Variants in TDRD15 observed in about 807,000 individuals in gnomAD.
The protein encoded by TDRD15 is tudor domain-containing protein 15.
For synonymous variants in TDRD15, 503 were observed against 314.5 expected, an observed-to-expected ratio of 1.60 and a Z score of -6.34; for missense variants, 1,416 against 904.7, an observed-to-expected ratio of 1.57 and a Z score of -7.25.
At position 21,138,000 on chromosome 2, in the gene TDRD15, A is replaced by G; in HGVS notation, c.533A>G (p.Glu178Gly). Reference protein sequence around the residue: ...EVPKIISQALELQLGRLVDGD... With the variant: ...EVPKIISQALGLQLGRLVDGD... ...CCAAAAATTATATCTCAGGCTCTCGAGTTACAATTAGGAAGACTTGTTGAT... is the reference window on the plus strand; with the variant it reads ...CCAAAAATTATATCTCAGGCTCTCGGGTTACAATTAGGAAGACTTGTTGAT... Residue 178 changes from glutamate (E) to glycine (G), a missense_variant, in exon 4 of 4, where the codon GAG becomes GGG. Transcript: ENST00000405799. The G allele has an allele frequency of 1.4e-6, 1 of 716,834 alleles. No homozygotes were observed. The highest frequency in any genetic ancestry group is 2.7e-5 in the East Asian group (1 of 37,272). The allele number at this position is 716,834 out of a possible 1,614,324, so 44.4% of individuals were successfully genotyped here. A position where few individuals can be genotyped will look rare whatever the true frequency, so the allele number is the denominator to read the frequency against.
In TDRD15 at chr2:21,142,283, C is replaced by T; in HGVS notation, c.4816C>T (p.Leu1606Phe). Reference protein sequence around the residue: ...VEEKYVDDKVLVFLVDCGIYE... With the variant: ...VEEKYVDDKVFVFLVDCGIYE... ...AGAAAAGTATGTTGATGATAAAGTA[C>T]TTGTTTTTTTAGTAGATTGTGGTAT... is the stretch of plus-strand genomic sequence containing the variant. Residue 1606 changes from leucine to phenylalanine, a missense_variant, in exon 4 of 4, where the codon CTT becomes TTT. Leu to Phe is a conservative substitution (Grantham distance 22). Coordinates refer to ENST00000405799, the MANE Select transcript of TDRD15 (RefSeq NM_001306137.2). The T allele has an allele frequency of 1.4e-6, 1 of 691,040 alleles. No homozygotes were observed. The allele number at this position is 691,040 out of a possible 1,614,324, so 42.8% of individuals were successfully genotyped here.
chr2:21,132,554 T>G (rs1665739899), intron 2 of TDRD15, among the ~76,000 whole-genome samples: 1 of 152,058 alleles, frequency 6.6e-6, no homozygotes, highest in Non-Finnish European at 1.5e-5. Flanking sequence ...TGGTGGATTG[T>G]GAGTGGAATG....
intron 2 of TDRD15, among the ~76,000 whole-genome samples, chr2:21,130,125 A>G (rs1665688766): frequency 6.6e-6 from 1 of 152,202 alleles, no homozygotes; most frequent in African/African-American, 2.4e-5. Flanking sequence ...CTCAATGATT[A>G]AGTTGCAATG....
intron 2 of TDRD15, among the ~76,000 whole-genome samples, chr2:21,134,130 T>C (rs1195550921): frequency 6.6e-6 from 1 of 151,922 alleles, no homozygotes; most frequent in Non-Finnish European, 1.5e-5. Flanking sequence ...ATCTATAATA[T>C]ATATTCTATA....
At chr2:21,130,366 G>GT (rs1476914025) in intron 2 of TDRD15, among the ~76,000 whole-genome samples, 2 of 152,182 alleles carry the variant, frequency 1.3e-5, no homozygotes, top group African/African-American at 4.8e-5. Context: ...AAAAGAGATG[G>GT]TCCCTGACTT....
intron 1 of TDRD15, among the ~76,000 whole-genome samples, chr2:21,124,705 G>T (rs1282742184): frequency 6.7e-6 from 1 of 148,756 alleles, no homozygotes; most frequent in Admixed American, 6.7e-5. Flanking sequence ...GCGTGTGTGT[G>T]TGTGTGACAG....
At chr2:21,145,417 C>T (rs1211612340), downstream of TDRD15, among the ~76,000 whole-genome samples, 5 of 152,050 alleles carry the variant, frequency 3.3e-5, no homozygotes, top group Middle Eastern at 3.4e-3. Context: ...TATATGTCTA[C>T]CTTCTTTTAT....
At chr2:21,135,703 C>T (rs571572613) in intron 3 of TDRD15, among the ~76,000 whole-genome samples, 3 of 152,092 alleles carry the variant, frequency 2.0e-5, no homozygotes, top group Non-Finnish European at 2.9e-5. Context: ...CACCCTACCC[C>T]CATTCCCACC....
Position 21,138,187 on chromosome 2 carries a change from A to G in TDRD15, c.720A>G (p.Gly240=). The part of the protein sequence containing the change: ...LDKLQPSLSV[G]STESVKVSSA... ...AGTTGCAGCCATCTTTGTCAGTAGG[A>G]AGTACTGAAAGTGTAAAGGTATCAT... Residue 240 remains glycine (G), a synonymous_variant, in exon 4 of 4, where the codon GGA becomes GGG. Coordinates refer to ENST00000405799, the MANE Select transcript of TDRD15 (RefSeq NM_001306137.2). The G allele has an allele frequency of 4.2e-6, 3 of 716,744 alleles. No homozygotes were observed. The highest frequency in any genetic ancestry group is 7.8e-6 in the Non-Finnish European group (3 of 384,508). 44.4% of individuals were successfully genotyped at this position (716,744 alleles called of 1,614,324 possible). A position where few individuals can be genotyped will look rare whatever the true frequency, so the allele number is the denominator to read the frequency against.
At chr2:21,135,194 T>A (rs1393790600) in intron 3 of TDRD15, among the ~76,000 whole-genome samples, 1 of 147,416 alleles carries the variant, frequency 6.8e-6, no homozygotes, top group Admixed American at 6.8e-5. Flanking sequence ...ATACATATTT[T>A]TATATATATA....
Position 21,143,801 on chromosome 2 carries a change from A to G in TDRD15, c.*529A>G, listed in dbSNP as rs1665986321. Among the ~76,000 whole-genome samples the G allele has an allele frequency of 6.6e-6, 1 of 151,788 alleles. No homozygotes were observed. The highest frequency in any genetic ancestry group is 6.6e-5 in the Admixed American group (1 of 15,186). Reference sequence around the variant, plus strand: ...ATATGTTGCAGGAAAACTTACTAGAAAATCTGGATAAACGGATGAACTGGA... The same window carrying G: ...ATATGTTGCAGGAAAACTTACTAGAGAATCTGGATAAACGGATGAACTGGA... On this transcript the variant is annotated 3_prime_UTR_variant, in exon 4 of 4. Transcript: ENST00000405799.
At position 21,143,031 on chromosome 2, in the gene TDRD15, C is replaced by T; in HGVS notation, c.5564C>T (p.Pro1855Leu). The T allele has an allele frequency of 1.4e-6, 1 of 691,960 alleles. No individual in the cohort carries two copies. The highest frequency in any genetic ancestry group is 1.8e-5 in the African/African-American group (1 of 55,666). 42.9% of individuals were successfully genotyped at this position (691,960 alleles called of 1,614,324 possible). A position where few individuals can be genotyped will look rare whatever the true frequency, so the allele number is the denominator to read the frequency against. Residue 1855 changes from proline (P) to leucine (L), a missense_variant, in exon 4 of 4, where the codon CCT becomes CTT. Physicochemically the swap from Pro to Leu is moderately conservative, Grantham distance 98. Transcript: ENST00000405799. Reference sequence around the variant, plus strand: ...CCATGTATTTTATATGGTATCTTACCTGCTAAAGGAAAACATTGGAGTGAA... The same window carrying T: ...CCATGTATTTTATATGGTATCTTACTTGCTAAAGGAAAACATTGGAGTGAA... ...SYPCILYGILPAKGKHWSEEA... is the reference protein window; with the variant it reads ...SYPCILYGILLAKGKHWSEEA...
intron 2 of TDRD15, among the ~76,000 whole-genome samples, chr2:21,132,983 C>T (rs562298312): frequency 3.3e-5 from 5 of 152,228 alleles, no homozygotes; most frequent in African/African-American, 9.6e-5. Flanking sequence ...GCACTCACTT[C>T]CTACCTCAGT....
At chr2:21,130,940 G>T (rs935288683) in intron 2 of TDRD15, among the ~76,000 whole-genome samples, 3 of 152,094 alleles carry the variant, frequency 2.0e-5, no homozygotes, top group African/African-American at 7.2e-5. Flanking sequence ...TGAAATGGGA[G>T]GTACTCATAA....
chr2:21,138,007 A>G lies in TDRD15; in HGVS notation c.540A>G (p.Gln180=), dbSNP rs1029407192. ...PKIISQALEL[Q]LGRLVDGDSF... is the part of the protein sequence containing the mutation. ...TTATATCTCAGGCTCTCGAGTTACA[A>G]TTAGGAAGACTTGTTGATGGAGATT... The change falls in exon 4 of 4, where the codon CAA becomes CAG. Residue 180 remains glutamine (Q), a synonymous_variant. Coordinates refer to ENST00000405799, the MANE Select transcript of TDRD15 (RefSeq NM_001306137.2). The G allele has an allele frequency of 2.8e-6, 2 of 716,728 alleles. No homozygotes were observed. The highest frequency in any genetic ancestry group is 4.0e-5 in the Admixed American group (2 of 49,946). The allele number at this position is 716,728 out of a possible 1,614,324, so 44.4% of individuals were successfully genotyped here. A position where few individuals can be genotyped will look rare whatever the true frequency, so the allele number is the denominator to read the frequency against.
At chr2:21,136,665 C>A (rs1665813296) in intron 3 of TDRD15, among the ~76,000 whole-genome samples, 1 of 151,886 alleles carries the variant, frequency 6.6e-6, no homozygotes, top group Non-Finnish European at 1.5e-5. Flanking sequence ...ATGGTTCTTG[C>A]CTGAAATTGG....
rs1447820646 is a variant in TDRD15, at chr2:21,137,642, A to T, written c.175A>T (p.Asn59Tyr). Residue 59 changes from asparagine to tyrosine, a missense_variant, in exon 4 of 4, where the codon AAT becomes TAT. Physicochemically the swap from Asn to Tyr is moderately radical, Grantham distance 143. Transcript: ENST00000405799. Reference protein sequence around the residue: ...EIQHTPKVKNNVEIDEFCLVE... With the variant: ...EIQHTPKVKNYVEIDEFCLVE... ...ACAACATACTCCAAAAGTGAAAAAT[A>T]ATGTGGAAATTGATGAATTTTGTTT... The T allele has an allele frequency of 1.4e-6, 1 of 713,504 alleles. No individual in the cohort carries two copies. The highest frequency in any genetic ancestry group is 2.0e-5 in the Admixed American group (1 of 49,372). 44.2% of individuals were successfully genotyped at this position (713,504 alleles called of 1,614,324 possible).
chr2:21,133,633 G>A (rs1054395349), intron 2 of TDRD15, among the ~76,000 whole-genome samples: 1 of 152,040 alleles, frequency 6.6e-6, no homozygotes, highest in Non-Finnish European at 1.5e-5. Context: ...TTAAACTAGT[G>A]TACTAAAACC....
chr2:21,141,425 G>C lies in TDRD15; in HGVS notation c.3958G>C (p.Val1320Leu), dbSNP rs1665929202. The C allele has an allele frequency of 2.8e-6, 2 of 713,136 alleles. No individual in the cohort carries two copies. Among genetic ancestry groups the C allele is most frequent in the Non-Finnish European group, 5.2e-6 (2 of 383,070 alleles). The allele number at this position is 713,136 out of a possible 1,614,324, so 44.2% of individuals were successfully genotyped here. The change falls in exon 4 of 4, where the codon GTA (valine) becomes CTA (leucine). Residue 1320 changes from valine to leucine, a missense_variant. Coordinates refer to ENST00000405799, the MANE Select transcript of TDRD15 (RefSeq NM_001306137.2). ...FHIQLAENES[V>L]IIRLADALNA... ...TATTCAGCTTGCTGAGAATGAAAGT[G>C]TAATTATCAGACTTGCTGATGCTCT...
Sources: allele counts gnomAD v4.1 joint callset (sites outside exome capture counted in the v4.1 genomes callset), GRCh38; gene constraint gnomAD v4.1.1; transcripts MANE v1.5; gene names NCBI Gene and HGNC (gene_info 2026-07-23, HGNC 2026-07-21).